Variants in VPS13D observed in about 807,000 individuals in gnomAD.
VPS13D encodes vacuolar protein sorting 13 homolog D.
A neutral mutation model predicts 461.9 loss-of-function variants in VPS13D; 187 were observed. The observed-to-expected ratio is 0.40, with a 90% CI of 0.36 to 0.46. The LOEUF (loss-of-function observed/expected upper bound fraction) is 0.46. Among genes scored for constraint, VPS13D ranks in the 20% least tolerant of loss-of-function variants. VPS13D has a pLI of 0.60. For synonymous variants in VPS13D, 1,951 were observed against 1,986.3 expected (o/e 0.98, Z 0.47); for missense variants, 4,711 against 5,364.9 (o/e 0.88, Z 3.81).
In VPS13D at chr1:12,400,280, G is replaced by T; in HGVS notation, c.11734G>T (p.Val3912Phe). Residue 3912 changes from valine (V) to phenylalanine (F), a missense_variant, in exon 61 of 70, where the codon GTC becomes TTC. Physicochemically the swap from Val to Phe is conservative, Grantham distance 50. Transcript: ENST00000620676. The part of the protein sequence containing the change: ...EVIETGPAVQ[V>F]NAVKFPSKSA... Reference sequence around the variant, plus strand: ...CATCGAGACCGGCCCAGCTGTGCAAGTCAACGCAGTGAAGTTCCCCAGTAA... The same window carrying T: ...CATCGAGACCGGCCCAGCTGTGCAATTCAACGCAGTGAAGTTCCCCAGTAA... 1 of 1,614,186 alleles carries T rather than the reference G, an allele frequency of 6.2e-7. No homozygotes were observed. Among genetic ancestry groups the T allele is most frequent in the Non-Finnish European group, 8.5e-7 (1 of 1,180,026 alleles).
chr1:12,388,090 AG>A (rs1213505206), intron 60 of VPS13D, among the ~76,000 whole-genome samples: 1 of 152,244 alleles, frequency 6.6e-6, no homozygotes, highest in African/African-American at 2.4e-5. Context: ...TCTTATTTAA[AG>A]TAAGAGTGAG....
At chr1:12,478,695 G>A (rs1481050901) in intron 67 of VPS13D, 4 of 440,760 alleles carry the variant, frequency 9.1e-6, no homozygotes, top group African/African-American at 2.0e-5. Flanking sequence ...GTCAAGGCAC[G>A]GTGATGTTTC....
At chr1:12,254,013 A>G (rs918791287) in intron 7 of VPS13D, among the ~76,000 whole-genome samples, 187 bp downstream of exon 7, 10 of 152,154 alleles carry the variant, frequency 6.6e-5, no homozygotes, top group African/African-American at 2.4e-4. Context: ...CGAACAATAT[A>G]TAGTGCTTTG....
Position 12,373,866 on chromosome 1 carries a change from A to G in VPS13D, c.10917+8A>G. 1.3e-6 allele frequency: 2 copies of G among 1,598,136 alleles called. No individual in the cohort carries two copies. Among genetic ancestry groups the G allele is most frequent in the Non-Finnish European group, 1.7e-6 (2 of 1,170,144 alleles). On this transcript the variant is annotated splice_region_variant and intron_variant, in intron 55 of 69. Transcript: ENST00000620676. ...GTCATTTTAAAAAAGAAGGTAAGAG[A>G]GCTTACAATCAGAGTTTAGAATACA...
intron 67 of VPS13D, among the ~76,000 whole-genome samples, chr1:12,460,936 A>AC (rs1008160011): frequency 2.6e-5 from 4 of 151,572 alleles, no homozygotes; most frequent in Non-Finnish European, 4.4e-5. Flanking sequence ...GAAAAGTGCC[A>AC]CCCCCCATCC....
chr1:12,285,065 G>C (rs988029528), intron 21 of VPS13D, among the ~76,000 whole-genome samples: 1 of 152,076 alleles, frequency 6.6e-6, no homozygotes, highest in Non-Finnish European at 1.5e-5. Flanking sequence ...TGATGTGGCT[G>C]GTTCTACAAG....
intron 65 of VPS13D, among the ~76,000 whole-genome samples, chr1:12,446,647 T>A (rs1208331370): frequency 6.6e-6 from 1 of 152,184 alleles, no homozygotes; most frequent in African/African-American, 2.4e-5. Context: ...TCCAGAGCAG[T>A]AGCTTCTTTT....
chr1:12,253,895 G>A lies in VPS13D; in HGVS notation c.669+69G>A, dbSNP rs558528071. ...GGAAGCGGCGTAGGGTCACTGCCACGGGGGCTTTTGTCTCTTGCCTCTCTG... is the reference window on the plus strand; with the variant it reads ...GGAAGCGGCGTAGGGTCACTGCCACAGGGGCTTTTGTCTCTTGCCTCTCTG... On this transcript the variant is annotated intron_variant, in intron 7 of 69. Coordinates refer to ENST00000620676, the MANE Select transcript of VPS13D (RefSeq NM_015378.4). 3.1e-5 allele frequency: 39 copies of A among 1,247,048 alleles called. No individual in the cohort carries two copies. In the Middle Eastern group the frequency reaches 7.6e-4, roughly 24 times the overall value. 77.2% of individuals were successfully genotyped at this position (1,247,048 alleles called of 1,614,324 possible).
chr1:12,278,922 A>C (rs1273534111), intron 19 of VPS13D, among the ~76,000 whole-genome samples: 1 of 152,238 alleles, frequency 6.6e-6, no homozygotes, highest in Non-Finnish European at 1.5e-5. Context: ...AGATCAGGTA[A>C]GTCCTAGAGC....
intron 24 of VPS13D, among the ~76,000 whole-genome samples, chr1:12,294,927 T>TA (rs1425365322): frequency 1.3e-5 from 2 of 151,936 alleles, no homozygotes; most frequent in Non-Finnish European, 2.9e-5. Context: ...TTTCCTTTTT[T>TA]AAAAAAACTT....
At chr1:12,266,071 A>G (rs1433475190) in intron 13 of VPS13D, among the ~76,000 whole-genome samples, 3 of 152,184 alleles carry the variant, frequency 2.0e-5, no homozygotes, top group Admixed American at 2.0e-4. Flanking sequence ...ACTGAGAGGT[A>G]GGAGGATCCC....
intron 63 of VPS13D, among the ~76,000 whole-genome samples, chr1:12,405,215 A>C (rs1165319434): frequency 6.6e-6 from 1 of 152,168 alleles, no homozygotes; most frequent in Non-Finnish European, 1.5e-5. Context: ...GTCATGGAGG[A>C]ATGTGAACCT....
chr1:12,248,642 A>G (rs1398626394), intron 5 of VPS13D, among the ~76,000 whole-genome samples: 7 of 152,104 alleles, frequency 4.6e-5, no homozygotes, highest in Non-Finnish European at 8.8e-5. Context: ...ACTGTGCTCA[A>G]CCTGTTATTA....
At chr1:12,433,841 G>A (rs1645024112) in intron 65 of VPS13D, among the ~76,000 whole-genome samples, 2 of 151,874 alleles carry the variant, frequency 1.3e-5, no homozygotes, top group Non-Finnish European at 1.5e-5. Context: ...GTGTCAGAAT[G>A]TATTAGGCAG....
chr1:12,400,875 G>A (rs908309913), intron 61 of VPS13D, among the ~76,000 whole-genome samples: 19 of 151,948 alleles, frequency 1.3e-4, no homozygotes, highest in African/African-American at 4.6e-4. Flanking sequence ...GAGGTCCTGA[G>A]CCTGGGAGTT....
At chr1:12,355,827 A>G in intron 47 of VPS13D, 72 bp from the exon 48 acceptor site, 3 of 1,412,586 alleles carry the variant, frequency 2.1e-6, no homozygotes, top group Non-Finnish European at 1.9e-6. Flanking sequence ...AAGGAATCCA[A>G]TTTACTTTTG....
At chr1:12,474,690 T>A (rs1294780068) in intron 67 of VPS13D, among the ~76,000 whole-genome samples, 1 of 152,230 alleles carries the variant, frequency 6.6e-6, no homozygotes, top group Non-Finnish European at 1.5e-5. Flanking sequence ...ATTTTCTAGA[T>A]TATAAATGTT....
intron 68 of VPS13D, among the ~76,000 whole-genome samples, chr1:12,501,907 C>G (rs1432057859): frequency 6.6e-6 from 1 of 152,162 alleles, no homozygotes; most frequent in Non-Finnish European, 1.5e-5. Context: ...GAGAAGGCGC[C>G]TGGGCAGAGC....
Position 12,403,629 on chromosome 1 carries a change from A to G in VPS13D, c.11882-196A>G, listed in dbSNP as rs1644609151. Among the ~76,000 whole-genome samples the G allele has an allele frequency of 1.3e-5, 2 of 152,166 alleles. 1 individual carries two copies. The highest frequency in any genetic ancestry group is 4.1e-4 in the South Asian group (2 of 4,832). ...TGCTAGTCTTCTTTTTTGATAAACA[A>G]CACAAAACAGATCTACTCTTACAAA... On this transcript the variant is annotated intron_variant, in intron 62 of 69. Coordinates refer to ENST00000620676, the MANE Select transcript of VPS13D (RefSeq NM_015378.4).
Sources: allele counts gnomAD v4.1 joint callset (sites outside exome capture counted in the v4.1 genomes callset), GRCh38; gene constraint gnomAD v4.1.1; transcripts MANE v1.5; gene names NCBI Gene and HGNC (gene_info 2026-07-23, HGNC 2026-07-21).